SYNJ1: variants seen among roughly 807,000 people sequenced by gnomAD.
The protein encoded by SYNJ1 is synaptojanin 1.
SYNJ1 carries 78 observed loss-of-function variants against 168.2 expected under a neutral mutation model. The ratio of observed to expected loss-of-function variants is 0.46; its 90% CI spans 0.39 to 0.56. SYNJ1 has a LOEUF of 0.56. Among genes scored for constraint, SYNJ1 ranks in the 20% least tolerant of loss-of-function variants. SYNJ1 has a pLI of 0.00. For synonymous variants in SYNJ1, 539 were observed against 548.6 expected (o/e 0.98, Z 0.24); for missense variants, 1,303 against 1,597.6 (o/e 0.82, Z 3.14).
At chr21:32,662,004 T>C (rs985667756) in intron 18 of SYNJ1, among the ~76,000 whole-genome samples, 5 of 152,178 alleles carry the variant, frequency 3.3e-5, no homozygotes, top group African/African-American at 1.2e-4. Flanking sequence ...GTAGTCCCTT[T>C]GCGGCCACAG....
In SYNJ1 at chr21:32,636,741, T is replaced by G. The variant is rs113846593; in HGVS notation, c.3916-1857A>C. On this transcript the variant is annotated intron_variant, in intron 31 of 32. Coordinates refer to ENST00000674351, the MANE Select transcript of SYNJ1 (RefSeq NM_203446.3). ...ATTGGGCATTCCCTGGAGGAAACTG[T>G]AACCACTTTGTGATCCCTCACAATG... Among the ~76,000 whole-genome samples the G allele has an allele frequency of 7.2e-5, 11 of 152,222 alleles. 1 individual carries two copies. Among genetic ancestry groups the G allele is most frequent in the African/African-American group, 2.6e-4 (11 of 41,540 alleles).
intron 11 of SYNJ1, among the ~76,000 whole-genome samples, chr21:32,680,872 C>A (rs1476939689): frequency 1.3e-5 from 2 of 152,210 alleles, no homozygotes; most frequent in Non-Finnish European, 2.9e-5. Flanking sequence ...CTGCCTCAGC[C>A]TCCCAAAGTG....
chr21:32,719,230 C>T (rs1288226396), intron 2 of SYNJ1, among the ~76,000 whole-genome samples: 1 of 152,270 alleles, frequency 6.6e-6, no homozygotes, highest in Non-Finnish European at 1.5e-5. Context: ...ATTCTCAACA[C>T]ATGCTGGAAA....
intron 18 of SYNJ1, 66 bp from the exon 19 acceptor site, chr21:32,657,938 G>T: frequency 7.6e-7 from 1 of 1,320,510 alleles, no homozygotes; most frequent in Non-Finnish European, 1.1e-6. Flanking sequence ...CATTCAGACA[G>T]TCATCCATTA....
intron 25 of SYNJ1, 70 bp from the exon 26 acceptor site, chr21:32,645,076 T>C (rs1000707078): frequency 3.4e-6 from 5 of 1,470,302 alleles, no homozygotes; most frequent in Admixed American, 2.0e-5. Flanking sequence ...ATGTCAAAGA[T>C]TGCTATAGTA....
intron 10 of SYNJ1, among the ~76,000 whole-genome samples, chr21:32,682,956 A>T (rs2146060567): frequency 6.6e-6 from 1 of 152,286 alleles, no homozygotes; most frequent in Non-Finnish European, 1.5e-5. Context: ...ACAAATAAAC[A>T]TCAAAAACAT....
chr21:32,660,033 G>A (rs1452123085), intron 18 of SYNJ1, among the ~76,000 whole-genome samples: 1 of 152,198 alleles, frequency 6.6e-6, no homozygotes, highest in African/African-American at 2.4e-5. Context: ...ATGAGTTAAA[G>A]GAAAAACTTA....
chr21:32,645,562 C>G (rs2040023991), intron 25 of SYNJ1, 84 bp downstream of exon 25: 1 of 1,412,436 alleles, frequency 7.1e-7, no homozygotes, highest in Non-Finnish European at 9.2e-7. Flanking sequence ...AATCCAGAAG[C>G]TAGAGATTGG....
chr21:32,649,959 A>G (rs1432786774), intron 23 of SYNJ1, among the ~76,000 whole-genome samples: 1 of 152,144 alleles, frequency 6.6e-6, no homozygotes, highest in Non-Finnish European at 1.5e-5. Flanking sequence ...CATGTTGGAC[A>G]GGCTGGTCTT....
chr21:32,663,986 A>T (rs1601337149), intron 18 of SYNJ1, among the ~76,000 whole-genome samples: 2 of 152,348 alleles, frequency 1.3e-5, no homozygotes, highest in East Asian at 3.9e-4. Flanking sequence ...AGATATGACA[A>T]AACTGACACA....
At chr21:32,686,171 T>C (rs1395317639) in intron 8 of SYNJ1, among the ~76,000 whole-genome samples, 3 of 152,190 alleles carry the variant, frequency 2.0e-5, no homozygotes, top group Non-Finnish European at 4.4e-5. Context: ...TTAGACCTAT[T>C]ATAGAATCTC....
intron 17 of SYNJ1, 139 bp downstream of exon 17, chr21:32,665,804 C>T: frequency 2.1e-6 from 2 of 941,724 alleles, no homozygotes; most frequent in Non-Finnish European, 3.0e-6. Context: ...GGTTAATACT[C>T]ATGAAATATC....
chr21:32,634,755 T>C (rs2039486717), intron 32 of SYNJ1, 106 bp downstream of exon 32: 3 of 1,158,122 alleles, frequency 2.6e-6, no homozygotes, highest in East Asian at 2.5e-5. Flanking sequence ...TGGAGACAGG[T>C]GGTTTTAAAA....
At chr21:32,713,739 T>C (rs1238262321) in intron 2 of SYNJ1, among the ~76,000 whole-genome samples, 3 of 148,658 alleles carry the variant, frequency 2.0e-5, no homozygotes, top group African/African-American at 7.8e-5. Flanking sequence ...TATATCAACA[T>C]GGATGATTTC....
chr21:32,666,638 A>T, intron 15 of SYNJ1, 65 bp from the exon 16 acceptor site: 1 of 1,498,184 alleles, frequency 6.7e-7, no homozygotes, highest in South Asian at 1.3e-5. Flanking sequence ...TTTTATGACA[A>T]TTGTCAATTA....
At position 32,631,252 on chromosome 21, in the gene SYNJ1, CCT is replaced by C; in HGVS notation, c.*551_*552del. ...TTTGACTTCCCTTTCACACCAAAAT[CCT>C]CTTCTTCCTCGAAGGTTACCCATCC... On this transcript the variant is annotated 3_prime_UTR_variant, in exon 33 of 33. Transcript: ENST00000674351. 6.2e-7 allele frequency: 1 copy of C among 1,614,234 alleles called. No individual in the cohort carries two copies. The highest frequency in any genetic ancestry group is 8.5e-7 in the Non-Finnish European group (1 of 1,180,044).
chr21:32,664,578 G>A (rs190452657), intron 18 of SYNJ1, among the ~76,000 whole-genome samples: 534 of 151,732 alleles, frequency 3.5e-3, no homozygotes, highest in Non-Finnish European at 6.4e-3. Context: ...TTGCTCAATC[G>A]ATCACGACCC....
chr21:32,670,511 C>T, intron 14 of SYNJ1, 139 bp from the exon 15 acceptor site: 1 of 690,104 alleles, frequency 1.4e-6, no homozygotes, highest in Non-Finnish European at 2.3e-6. Flanking sequence ...TAAAGGCAAA[C>T]ACTCTTGAGT....
At chr21:32,683,036 T>C (rs1000135228) in intron 10 of SYNJ1, among the ~76,000 whole-genome samples, 10 of 152,186 alleles carry the variant, frequency 6.6e-5, no homozygotes, top group African/African-American at 2.4e-4. Flanking sequence ...GAGAATTTTA[T>C]ACACTGTACT....
Sources: gnomAD v4.1 joint callset for allele counts (sites outside exome capture counted in the v4.1 genomes callset) on GRCh38, gnomAD v4.1.1 for gene constraint, MANE v1.5 for transcripts, NCBI Gene and HGNC (gene_info 2026-07-23, HGNC 2026-07-21) for gene names.